TIAM1: variants seen among roughly 807,000 people sequenced by gnomAD.
The protein encoded by TIAM1 is TIAM Rac1 associated GEF 1.
In TIAM1, 65 loss-of-function variants were observed where a neutral mutation model predicts 163.5. The ratio of observed to expected loss-of-function variants is 0.40; its 90% CI spans 0.33 to 0.49. The LOEUF is 0.49. TIAM1 is among the 20% of genes least tolerant of loss of function. TIAM1 has a pLI of 0.77. For synonymous variants in TIAM1, 833 were observed against 810.1 expected (o/e 1.03, Z -0.48); for missense variants, 1,789 against 2,044.7 (o/e 0.87, Z 2.41).
chr21:31,337,830 T>G (rs1312215298), intron 2 of TIAM1, among the ~76,000 whole-genome samples: 2 of 152,014 alleles, frequency 1.3e-5, no homozygotes, highest in African/African-American at 4.8e-5. Flanking sequence ...ACACCCGGCC[T>G]ATTATTATTT....
At chr21:31,135,403 T>G (rs75506668) in intron 23 of TIAM1, among the ~76,000 whole-genome samples, 1 of 152,178 alleles carries the variant, frequency 6.6e-6, no homozygotes, top group African/African-American at 2.4e-5. Flanking sequence ...TAGTATTGAG[T>G]GGCAATGCGA....
intron 1 of TIAM1, among the ~76,000 whole-genome samples, chr21:31,551,430 A>T (rs778132465): frequency 5.3e-5 from 8 of 151,704 alleles, no homozygotes; most frequent in Non-Finnish European, 1.0e-4. Flanking sequence ...AAAAGAAAAG[A>T]AAAAGAAAGA....
intron 6 of TIAM1, among the ~76,000 whole-genome samples, chr21:31,226,368 C>T (rs1199503994): frequency 6.6e-6 from 1 of 152,124 alleles, no homozygotes; most frequent in African/African-American, 2.4e-5. Context: ...CTACAACAGC[C>T]CTGCCCCTCG....
At chr21:31,477,026 C>G (rs2147386703) in intron 1 of TIAM1, among the ~76,000 whole-genome samples, 1 of 152,270 alleles carries the variant, frequency 6.6e-6, no homozygotes, top group East Asian at 1.9e-4. Context: ...AAAGGGATGC[C>G]TGACTTCCTT....
chr21:31,453,092 T>C (rs1402452156), intron 2 of TIAM1: 1 of 348,258 alleles, frequency 2.9e-6, no homozygotes, highest in Non-Finnish European at 5.6e-6. Flanking sequence ...TTGGAGAGGA[T>C]AAAGAAGGAG....
At position 31,223,487 on chromosome 21, in the gene TIAM1, C is replaced by G. The variant is rs372313075; in HGVS notation, c.1914G>C (p.Arg638Ser). 1.2e-5 allele frequency: 19 copies of G among 1,613,826 alleles called. No individual in the cohort carries two copies. The highest frequency in any genetic ancestry group is 8.8e-5 in the South Asian group (8 of 91,002). ...TTGGTCGACTTGCAAAAGCGAGAAG[C>G]CTTTTGGGGTTTGGCAGCTCCCCAC... ...LQGGELPNPK[R>S]LLAFASRPTK... The change falls in exon 8 of 28, where the codon AGG (arginine) becomes AGC (serine). Residue 638 changes from arginine to serine, a missense_variant. Coordinates refer to ENST00000541036, the MANE Select transcript of TIAM1 (RefSeq NM_001353694.2).
intron 1 of TIAM1, among the ~76,000 whole-genome samples, chr21:31,518,310 G>T (rs1317542055): frequency 6.6e-6 from 1 of 151,788 alleles, no homozygotes; most frequent in Non-Finnish European, 1.5e-5. Context: ...TTTTTGAAAT[G>T]AAGTTTCACT....
At chr21:31,513,176 T>C (rs1323947868) in intron 1 of TIAM1, among the ~76,000 whole-genome samples, 1 of 152,214 alleles carries the variant, frequency 6.6e-6, no homozygotes, top group African/African-American at 2.4e-5. Flanking sequence ...ATATGTTCCA[T>C]ACATATACAC....
At chr21:31,271,955 A>T (rs901790671) in intron 3 of TIAM1, among the ~76,000 whole-genome samples, 1 of 152,182 alleles carries the variant, frequency 6.6e-6, no homozygotes, top group Non-Finnish European at 1.5e-5. Flanking sequence ...AAGGGCCTTT[A>T]AATCCCACCA....
At chr21:31,286,624 G>A (rs2073820298) in intron 2 of TIAM1, among the ~76,000 whole-genome samples, 1 of 152,076 alleles carries the variant, frequency 6.6e-6, no homozygotes, top group Non-Finnish European at 1.5e-5. Context: ...TGCCCGGGAG[G>A]ATCACTTAAG....
intron 1 of TIAM1, among the ~76,000 whole-genome samples, chr21:31,553,313 C>T (rs1227207771): frequency 6.6e-6 from 1 of 152,186 alleles, no homozygotes; most frequent in African/African-American, 2.4e-5. Flanking sequence ...AAAGAACTTG[C>T]CCTCCAAATT....
At chr21:31,178,285 A>C (rs1383745143) in intron 15 of TIAM1, among the ~76,000 whole-genome samples, 1 of 145,196 alleles carries the variant, frequency 6.9e-6, no homozygotes, top group African/African-American at 2.5e-5. Flanking sequence ...CTGCTACTTG[A>C]CCAAGTATTC....
chr21:31,288,481 C>T (rs1263237664), intron 2 of TIAM1, among the ~76,000 whole-genome samples: 1 of 152,124 alleles, frequency 6.6e-6, no homozygotes, highest in Non-Finnish European at 1.5e-5. Flanking sequence ...CAGGCTCCTT[C>T]AAGTCTCTTT....
At position 31,202,842 on chromosome 21, in the gene TIAM1, C is replaced by G. The variant is rs564374890; in HGVS notation, c.2493+66G>C. On this transcript the variant is annotated intron_variant, in intron 12 of 27. Transcript: ENST00000541036. ...TCCACTCCACCAACTACAATTAACA[C>G]GAGAACACTCATAATTTGAAGATAA... 252 of 1,447,876 alleles carry G rather than the reference C, an allele frequency of 1.7e-4. 3 individuals carry two copies. The South Asian group carries it at 2.8e-3, about 16-fold the overall frequency. The allele number at this position is 1,447,876 out of a possible 1,614,324, so 89.7% of individuals were successfully genotyped here.
At chr21:31,228,474 A>G (rs1041438375) in intron 6 of TIAM1, among the ~76,000 whole-genome samples, 1 of 152,124 alleles carries the variant, frequency 6.6e-6, no homozygotes, top group African/African-American at 2.4e-5. Flanking sequence ...ATGCACTCAT[A>G]TGCACACGAA....
At chr21:31,175,268 C>T (rs2084705976) in intron 15 of TIAM1, among the ~76,000 whole-genome samples, 1 of 152,132 alleles carries the variant, frequency 6.6e-6, no homozygotes, top group Admixed American at 6.5e-5. Context: ...TATTGTAATC[C>T]TGTGGGCTAC....
At chr21:31,475,850 A>G (rs759212914) in intron 1 of TIAM1, among the ~76,000 whole-genome samples, 8 of 152,230 alleles carry the variant, frequency 5.3e-5, no homozygotes, top group Non-Finnish European at 1.2e-4. Context: ...ACAACTTGAC[A>G]ACTACTTCAT....
intron 2 of TIAM1, among the ~76,000 whole-genome samples, chr21:31,327,407 A>T (rs1601975405): frequency 6.6e-6 from 1 of 152,250 alleles, no homozygotes; most frequent in Non-Finnish European, 1.5e-5. Flanking sequence ...TGGGAGGCTG[A>T]GGTGGGCAGA....
intron 2 of TIAM1, among the ~76,000 whole-genome samples, chr21:31,374,501 C>T (rs547833535): frequency 6.6e-6 from 1 of 152,274 alleles, no homozygotes; most frequent in South Asian, 2.1e-4. Context: ...GCACTCAGGA[C>T]TAAAGGATCG....
Sources: allele counts gnomAD v4.1 joint callset (sites outside exome capture counted in the v4.1 genomes callset), GRCh38; gene constraint gnomAD v4.1.1; transcripts MANE v1.5; gene names NCBI Gene and HGNC (gene_info 2026-07-23, HGNC 2026-07-21).